REPS1: variants seen among roughly 807,000 people sequenced by gnomAD.
The protein encoded by REPS1 is ralBP1-associated Eps domain-containing protein 1.
Under a neutral mutation model 100.9 loss-of-function variants are expected in REPS1, and 39 were observed. The observed-to-expected ratio is 0.39, with a 90% CI of 0.30 to 0.50. REPS1 has a LOEUF of 0.50. Among genes scored for constraint, REPS1 ranks in the 20% least tolerant of loss-of-function variants. REPS1 has a pLI of 0.86. For missense variants in REPS1, 821 were observed against 968.5 expected (o/e 0.85, Z 2.02); for synonymous variants, 324 against 340.3 (o/e 0.95, Z 0.53).
At position 138,912,935 on chromosome 6, in the gene REPS1, C is replaced by G; in HGVS notation, c.1801G>C (p.Val601Leu). 6.2e-7 allele frequency: 1 copy of G among 1,613,602 alleles called. No individual in the cohort carries two copies. Among genetic ancestry groups the G allele is most frequent in the Non-Finnish European group, 8.5e-7 (1 of 1,179,640 alleles). The change falls in exon 16 of 20, where the codon GTG becomes CTG. Residue 601 changes from valine (V) to leucine (L), a missense_variant. Val to Leu is a conservative substitution (Grantham distance 32). Coordinates refer to ENST00000450536, the MANE Select transcript of REPS1 (RefSeq NM_001286611.2). ...CCATCGGCATCCACTGGGCGATGCA[C>G]AGCAGGACCAGGAGCCTGTGCAATG... ...PQPSQAPGPAVHRPVDADGLI... is the reference protein window; with the variant it reads ...PQPSQAPGPALHRPVDADGLI...
intron 17 of REPS1, among the ~76,000 whole-genome samples, chr6:138,910,021 T>C (rs886262562): frequency 2.3e-4 from 35 of 152,116 alleles, no homozygotes; most frequent in Non-Finnish European, 2.2e-4. Context: ...TACACTGATA[T>C]AGTTTAGATA....
intron 1 of REPS1, among the ~76,000 whole-genome samples, chr6:138,963,366 G>A (rs530634360): frequency 2.6e-4 from 40 of 152,188 alleles, no homozygotes; most frequent in Middle Eastern, 3.4e-3. Context: ...CTCCTTGGGG[G>A]CAGGACTATG....
chr6:138,975,686 T>C (rs888826041), intron 1 of REPS1, among the ~76,000 whole-genome samples: 1 of 151,932 alleles, frequency 6.6e-6, no homozygotes, highest in African/African-American at 2.4e-5. Context: ...ATACAAAAAT[T>C]AGCTGGGCGC....
Position 138,915,956 on chromosome 6 carries a change from G to A in REPS1, c.1622C>T (p.Pro541Leu). The stretch of plus-strand genomic sequence containing the variant: ...GGGAGGTGGTGGTGCAGTGTTATCA[G>A]GCGACGTTCCTGAATGAGACCTGCA... ...TRQRSHSGTS[P>L]DNTAPPPPPP... The change falls in exon 14 of 20, where the codon CCT becomes CTT. Residue 541 changes from proline to leucine, a missense_variant. Pro to Leu is a moderately conservative substitution (Grantham distance 98). Around this residue, in one of 3 missense-constraint regions of REPS1, gnomAD observed 757 missense variants for 866.4 expected, o/e 0.87. Coordinates refer to ENST00000450536, the MANE Select transcript of REPS1 (RefSeq NM_001286611.2). 1.9e-6 allele frequency: 3 copies of A among 1,613,852 alleles called. No individual in the cohort carries two copies. The highest frequency in any genetic ancestry group is 2.5e-6 in the Non-Finnish European group (3 of 1,179,800).
intron 1 of REPS1, among the ~76,000 whole-genome samples, chr6:138,966,029 T>C (rs1010450157): frequency 1.3e-5 from 2 of 152,162 alleles, no homozygotes; most frequent in Non-Finnish European, 2.9e-5. Flanking sequence ...ATTTTACAGA[T>C]GAGAAAACTG....
chr6:138,905,034 C>T lies in REPS1; in HGVS notation c.*30G>A. The T allele has an allele frequency of 6.2e-7, 1 of 1,610,628 alleles. No individual in the cohort carries two copies. The highest frequency in any genetic ancestry group is 1.3e-5 in the African/African-American group (1 of 74,960). The stretch of plus-strand genomic sequence containing the variant: ...CTTTGAACCCAAAACCACTTAAAAA[C>T]AAGTATGTTCACAGTTAACGGCAAT... On this transcript the variant is annotated 3_prime_UTR_variant, in exon 20 of 20. Coordinates refer to ENST00000450536, the MANE Select transcript of REPS1 (RefSeq NM_001286611.2).
intron 1 of REPS1, among the ~76,000 whole-genome samples, chr6:138,969,764 C>T (rs1052722593): frequency 6.6e-6 from 1 of 150,968 alleles, no homozygotes; most frequent in Non-Finnish European, 1.5e-5. Context: ...AAATATATGT[C>T]AAATAGCTTG....
At chr6:138,935,462 A>G (rs899982574) in intron 8 of REPS1, among the ~76,000 whole-genome samples, 1 of 152,192 alleles carries the variant, frequency 6.6e-6, no homozygotes, top group Admixed American at 6.5e-5. Flanking sequence ...TAATCCATTC[A>G]AAATAAATAC....
intron 1 of REPS1, among the ~76,000 whole-genome samples, chr6:138,977,829 T>C (rs1784683085): frequency 6.6e-6 from 1 of 152,256 alleles, no homozygotes; most frequent in African/African-American, 2.4e-5. Flanking sequence ...AGCCAAACTG[T>C]TTCCCAATGT....
At chr6:138,968,597 T>C (rs1225883319) in intron 1 of REPS1, among the ~76,000 whole-genome samples, 3 of 152,232 alleles carry the variant, frequency 2.0e-5, no homozygotes, top group Non-Finnish European at 2.9e-5. Flanking sequence ...TGCACTATTA[T>C]GTACTTAGTA....
intron 19 of REPS1, among the ~76,000 whole-genome samples, chr6:138,906,467 T>C (rs1260091332): frequency 1.3e-5 from 2 of 152,174 alleles, no homozygotes; most frequent in Non-Finnish European, 2.9e-5. Context: ...TTTTTTCCTC[T>C]CAAAAGTGTC....
At chr6:138,910,286 G>A (rs1779919865) in intron 17 of REPS1, among the ~76,000 whole-genome samples, 1 of 152,166 alleles carries the variant, frequency 6.6e-6, no homozygotes, top group Admixed American at 6.5e-5. Context: ...TAAGTTTCCT[G>A]AGGCTTCACA....
At chr6:138,968,662 T>C (rs1253240863) in intron 1 of REPS1, among the ~76,000 whole-genome samples, 3 of 152,194 alleles carry the variant, frequency 2.0e-5, no homozygotes, top group Non-Finnish European at 4.4e-5. Flanking sequence ...AAAAGAAACT[T>C]TGTATCATGT....
At chr6:138,940,600 C>T (rs528721052) in intron 8 of REPS1, among the ~76,000 whole-genome samples, 3 of 151,864 alleles carry the variant, frequency 2.0e-5, no homozygotes, top group South Asian at 4.2e-4. Flanking sequence ...CAAAAATTAG[C>T]GGGGCATGGT....
Position 138,904,974 on chromosome 6 carries a change from A to T in REPS1, c.*90T>A. On this transcript the variant is annotated 3_prime_UTR_variant, in exon 20 of 20. Transcript: ENST00000450536. ...GAATCATAAAATTTAATGTTGAGTT[A>T]AGCAGTGAGCTGAATGTCTAGGTCT... 1 of 921,126 alleles carries T rather than the reference A, an allele frequency of 1.1e-6. No homozygotes were observed. The highest frequency in any genetic ancestry group is 1.8e-6 in the Non-Finnish European group (1 of 562,704). 57.1% of individuals were successfully genotyped at this position (921,126 alleles called of 1,614,324 possible).
chr6:138,981,255 A>C (rs1465958467), intron 1 of REPS1, among the ~76,000 whole-genome samples: 1 of 152,208 alleles, frequency 6.6e-6, no homozygotes, highest in Non-Finnish European at 1.5e-5. Flanking sequence ...TAATTCTTGA[A>C]ACAAAATGCA....
intron 10 of REPS1, among the ~76,000 whole-genome samples, chr6:138,924,660 T>G (rs994189810): frequency 6.6e-6 from 1 of 152,178 alleles, no homozygotes; most frequent in Non-Finnish European, 1.5e-5. Flanking sequence ...CATATTAGCT[T>G]AACTGTACAA....
chr6:138,930,203 T>G, intron 8 of REPS1, 105 bp from the exon 9 acceptor site: 1 of 852,424 alleles, frequency 1.2e-6, no homozygotes. Flanking sequence ...TCATAAGTAG[T>G]AATATATAAT....
chr6:138,948,804 G>A (rs1267327141), intron 1 of REPS1, among the ~76,000 whole-genome samples: 2 of 152,030 alleles, frequency 1.3e-5, no homozygotes, highest in African/African-American at 2.4e-5. Flanking sequence ...GAGATGCTGT[G>A]GTATTAAGTC....
Sources: gnomAD v4.1 joint callset for allele counts (sites outside exome capture counted in the v4.1 genomes callset) on GRCh38, gnomAD v4.1.1 for gene constraint, gnomAD v4.1.1 regional missense constraint, MANE v1.5 for transcripts, NCBI Gene and HGNC (gene_info 2026-07-23, HGNC 2026-07-21) for gene names.